Variants in GPR89B observed in about 807,000 individuals in gnomAD.
GPR89B encodes the protein G protein-coupled receptor 89B.
In GPR89B, 25 loss-of-function variants were observed where a neutral mutation model predicts 52.4. That is an observed-to-expected ratio of 0.48 (90% confidence interval 0.35 to 0.67). GPR89B has a LOEUF of 0.67. Among genes scored for constraint, GPR89B ranks in the 30% least tolerant of loss-of-function variants. The pLI is 0.01. For synonymous variants in GPR89B, 52 were observed against 151.2 expected (o/e 0.34, Z 4.81); for missense variants, 146 against 450.2 (o/e 0.32, Z 6.11).
intron 5 of GPR89B, among the ~76,000 whole-genome samples, chr1:147,949,442 ACCC>A (rs1655330972): frequency 0.012 from 5 of 404 alleles, 1 homozygote; most frequent in Non-Finnish European, 0.025. Flanking sequence ...TGGGGGGCTG[ACCC>A]CCCTGACCCC....
intron 1 of GPR89B, among the ~76,000 whole-genome samples, chr1:147,930,748 CAGGTCCCTTATTGATGGGACCCTGGCT>C (rs1180795995): frequency 1.3e-5 from 2 of 152,156 alleles, no homozygotes; most frequent in African/African-American, 4.8e-5. Flanking sequence ...CATGGCTTTT[CAGGTCCCTTATTGATGGGACCCTGGCT>C]CTTCTCTCTT....
chr1:148,021,567 G>A, the GPR89B span, among the ~76,000 whole-genome samples: 7 of 151,718 alleles, frequency 4.6e-5, no homozygotes, highest in East Asian at 1.4e-3. Context: ...AGGGAAAGGG[G>A]AGGCATGTGA....
At chr1:147,942,491 A>G (rs1654640510) in intron 3 of GPR89B, among the ~76,000 whole-genome samples, 1 of 152,120 alleles carries the variant, frequency 6.6e-6, no homozygotes, top group Non-Finnish European at 1.5e-5. Context: ...ACATACGTCC[A>G]CACCAAAATG....
chr1:147,986,583 C>G (rs1658686283), intron 11 of GPR89B, among the ~76,000 whole-genome samples: 1 of 152,186 alleles, frequency 6.6e-6, no homozygotes, highest in Non-Finnish European at 1.5e-5. Flanking sequence ...CTCTGCTTCT[C>G]TATAGGCAGC....
chr1:147,964,232 T>G (rs1242673414), intron 7 of GPR89B, among the ~76,000 whole-genome samples: 1 of 151,628 alleles, frequency 6.6e-6, no homozygotes, highest in Non-Finnish European at 1.5e-5. Flanking sequence ...CTACAATTAT[T>G]TCAAAAAGTT....
chr1:147,968,849 A>T (rs1409294281), intron 8 of GPR89B, 26 bp from the exon 9 acceptor site: 66 of 1,613,254 alleles, frequency 4.1e-5, no homozygotes, highest in Non-Finnish European at 5.5e-5. Flanking sequence ...TATGTGATTA[A>T]AACCTTGATG....
At chr1:147,949,007 C>T (rs1328900604) in intron 5 of GPR89B, among the ~76,000 whole-genome samples, 1 of 152,010 alleles carries the variant, frequency 6.6e-6, no homozygotes, top group East Asian at 1.9e-4. Context: ...CAAAGCACAT[C>T]TTGCACCACC....
chr1:147,946,072 C>T (rs1428816184), intron 5 of GPR89B, among the ~76,000 whole-genome samples: 2 of 151,156 alleles, frequency 1.3e-5, no homozygotes, highest in Admixed American at 1.3e-4. Context: ...CCTTCACCAA[C>T]CCTGTCTACC....
At chr1:148,000,529 G>A in the GPR89B span, among the ~76,000 whole-genome samples, 8 of 151,684 alleles carry the variant, frequency 5.3e-5, no homozygotes, top group South Asian at 4.2e-4. Flanking sequence ...ACTAAGCTGC[G>A]TGACTTTAGC....
chr1:148,000,813 T>G, the GPR89B span, among the ~76,000 whole-genome samples: 1 of 149,550 alleles, frequency 6.7e-6, no homozygotes, highest in Non-Finnish European at 1.5e-5. Flanking sequence ...AAAAAAACCT[T>G]AAAACATGCA....
chr1:147,997,495 A>G (rs1280541007), downstream of GPR89B, among the ~76,000 whole-genome samples: 4 of 152,190 alleles, frequency 2.6e-5, no homozygotes, highest in Admixed American at 6.5e-5. Context: ...CTCAGGCCAA[A>G]TGCACAGAAG....
chr1:147,991,093 T>G (rs1244396431), intron 12 of GPR89B, among the ~76,000 whole-genome samples: 2 of 150,698 alleles, frequency 1.3e-5, no homozygotes, highest in African/African-American at 5.0e-5. Context: ...TGGAATGTTC[T>G]TCCATGTGTT....
At chr1:147,964,397 G>A (rs1376313450) in intron 7 of GPR89B, among the ~76,000 whole-genome samples, 23 of 151,556 alleles carry the variant, frequency 1.5e-4, no homozygotes, top group Admixed American at 7.2e-4. Context: ...TCCATATTAG[G>A]AACTTTTAAA....
At chr1:148,008,089 G>A in the GPR89B span, among the ~76,000 whole-genome samples, 1 of 151,728 alleles carries the variant, frequency 6.6e-6, no homozygotes, top group South Asian at 2.1e-4. Flanking sequence ...AACAGGATAA[G>A]GGGGGACTCT....
chr1:147,995,571 T>G (rs2796962), downstream of GPR89B: 9 of 1,589,758 alleles, frequency 5.7e-6, no homozygotes, highest in East Asian at 1.6e-4. Context: ...AATTAGATCA[T>G]GAAAAGAAAT....
chr1:147,959,342 A>G (rs1274195210), intron 7 of GPR89B, among the ~76,000 whole-genome samples: 1 of 152,146 alleles, frequency 6.6e-6, no homozygotes, highest in Non-Finnish European at 1.5e-5. Flanking sequence ...AGCCATTCTC[A>G]ATAGAGGAAA....
At chr1:147,962,939 C>G (rs1383988301) in intron 7 of GPR89B, among the ~76,000 whole-genome samples, 1 of 144,078 alleles carries the variant, frequency 6.9e-6, no homozygotes, top group Non-Finnish European at 1.5e-5. Flanking sequence ...AAATGTAAAA[C>G]TATAAAACTT....
the GPR89B span, chr1:148,011,173 A>G: frequency 2.0e-5 from 3 of 152,222 alleles, no homozygotes; most frequent in Non-Finnish European, 2.9e-5. Flanking sequence ...TTGAAGGGCT[A>G]TTACATTTCT....
chr1:148,012,581 C>G, the GPR89B span, among the ~76,000 whole-genome samples: 1 of 150,038 alleles, frequency 6.7e-6, no homozygotes, highest in Admixed American at 6.7e-5. Context: ...CCCACACAGG[C>G]AAGGACAGCA....
Sources: allele counts gnomAD v4.1 joint callset (sites outside exome capture counted in the v4.1 genomes callset), GRCh38; gene constraint gnomAD v4.1.1; transcripts MANE v1.5; gene names NCBI Gene and HGNC (gene_info 2026-07-23, HGNC 2026-07-21).